GABRG3: variants seen among roughly 807,000 people sequenced by gnomAD.
The protein encoded by GABRG3 is gamma-aminobutyric acid type A receptor subunit gamma3.
In GABRG3, 25 loss-of-function variants were observed where a neutral mutation model predicts 48.8. The ratio of observed to expected loss-of-function variants is 0.51; its 90% CI spans 0.37 to 0.72. The LOEUF is 0.72. Among genes scored for constraint, GABRG3 ranks in the 30% least tolerant of loss-of-function variants. The probability of loss-of-function intolerance (pLI) is 0.00; values close to 1 mark genes in which losing one functional copy is unlikely to be tolerated. For synonymous variants in GABRG3, 227 were observed against 217.6 expected (o/e 1.04, Z -0.38); for missense variants, 394 against 577.9 (o/e 0.68, Z 3.26).
chr15:27,003,173 AT>A lies in GABRG3; in HGVS notation c.203-23573del, dbSNP rs915241973. 3.4e-3 allele frequency among the ~76,000 whole-genome samples: 499 copies of A among 148,606 alleles called. 5 individuals carry two copies. Among genetic ancestry groups the A allele is most frequent in the African/African-American group, 8.8e-3 (359 of 40,666 alleles). Reference sequence around the variant, plus strand: ...AATAGTTTTTATTTTTTTATTTTTTATTTTTTTTAATTTTGTATTTTTATTT... The same window carrying A: ...AATAGTTTTTATTTTTTTATTTTTTATTTTTTTAATTTTGTATTTTTATTT... On this transcript the variant is annotated intron_variant, in intron 2 of 9. Transcript: ENST00000615808.
chr15:27,522,212 T>C (rs1227292514), intron 7 of GABRG3, among the ~76,000 whole-genome samples: 4 of 151,978 alleles, frequency 2.6e-5, no homozygotes, highest in South Asian at 4.1e-4. Context: ...GTTGCCATCT[T>C]TAAAGTACTG....
At chr15:27,254,988 A>G (rs2140462376) in intron 3 of GABRG3, among the ~76,000 whole-genome samples, 1 of 152,218 alleles carries the variant, frequency 6.6e-6, no homozygotes, top group South Asian at 2.1e-4. Flanking sequence ...TACCCCCTGC[A>G]CCAGATGCCT....
rs370582365 is a variant in GABRG3, at chr15:27,497,873, C to T, written c.712+17086C>T. 4.6e-5 allele frequency among the ~76,000 whole-genome samples: 7 copies of T among 152,314 alleles called. No homozygotes were observed. In the East Asian group the frequency reaches 1.4e-3, roughly 29 times the overall value. ...ATTTCTTCCAGGTCCATCATTGAAA[C>T]TTCACCATTGTTTCTTCATTCCTCA... On this transcript the variant is annotated intron_variant, in intron 6 of 9. Transcript: ENST00000615808.
chr15:27,206,378 G>C (rs1888851967), intron 3 of GABRG3, among the ~76,000 whole-genome samples: 1 of 151,984 alleles, frequency 6.6e-6, no homozygotes, highest in African/African-American at 2.4e-5. Context: ...GACTTTCTTG[G>C]TACTTATTTC....
At chr15:27,125,777 A>G (rs1897809166) in intron 3 of GABRG3, among the ~76,000 whole-genome samples, 1 of 152,270 alleles carries the variant, frequency 6.6e-6, no homozygotes, top group African/African-American at 2.4e-5. Flanking sequence ...GACAGCAGCC[A>G]TGCGCCACAT....
At chr15:27,379,346 C>T (rs1393513735) in intron 5 of GABRG3, among the ~76,000 whole-genome samples, 1 of 152,160 alleles carries the variant, frequency 6.6e-6, no homozygotes, top group Non-Finnish European at 1.5e-5. Context: ...ACAGTATTAC[C>T]AATTTTCCTC....
chr15:27,391,106 A>C (rs546695458), intron 5 of GABRG3, among the ~76,000 whole-genome samples: 7 of 151,954 alleles, frequency 4.6e-5, no homozygotes, highest in Admixed American at 3.9e-4. Context: ...AAAAGACACA[A>C]TCCCTCAGGT....
chr15:27,162,706 T>C (rs1272589846), intron 3 of GABRG3, among the ~76,000 whole-genome samples: 1 of 152,102 alleles, frequency 6.6e-6, no homozygotes, highest in Non-Finnish European at 1.5e-5. Flanking sequence ...TTAGCATGTG[T>C]GAAGCATCTT....
At chr15:27,377,222 G>T (rs188839645) in intron 5 of GABRG3, among the ~76,000 whole-genome samples, 10 of 152,250 alleles carry the variant, frequency 6.6e-5, no homozygotes, top group Non-Finnish European at 1.3e-4. Context: ...AAGCATTTTT[G>T]TCAAAGCTAT....
chr15:27,095,189 C>T (rs766213554), intron 3 of GABRG3, among the ~76,000 whole-genome samples: 8 of 152,166 alleles, frequency 5.3e-5, no homozygotes, highest in Non-Finnish European at 7.3e-5. Flanking sequence ...GTCTTATCAC[C>T]GTCATGTCAG....
chr15:27,107,880 T>C (rs189401541), intron 3 of GABRG3, among the ~76,000 whole-genome samples: 56 of 151,790 alleles, frequency 3.7e-4, no homozygotes, highest in Non-Finnish European at 6.2e-4. Context: ...TAGTATTCCC[T>C]TCTTTTAATG....
chr15:27,320,338 A>G (rs1451307941), intron 3 of GABRG3, among the ~76,000 whole-genome samples: 4 of 152,146 alleles, frequency 2.6e-5, no homozygotes, highest in Non-Finnish European at 4.4e-5. Flanking sequence ...AATATGGGGC[A>G]TGGCGACTTC....
At chr15:27,250,473 C>A (rs1490529391) in intron 3 of GABRG3, among the ~76,000 whole-genome samples, 1 of 152,182 alleles carries the variant, frequency 6.6e-6, no homozygotes, top group African/African-American at 2.4e-5. Flanking sequence ...CCTCTGTTGT[C>A]CAGGCTGGAG....
intron 3 of GABRG3, among the ~76,000 whole-genome samples, chr15:27,173,432 T>G (rs1388528205): frequency 6.6e-6 from 1 of 152,156 alleles, no homozygotes; most frequent in African/African-American, 2.4e-5. Flanking sequence ...GTTGATTTAG[T>G]TTTATTGAGA....
At chr15:27,184,665 G>A (rs1325868556) in intron 3 of GABRG3, among the ~76,000 whole-genome samples, 1 of 152,166 alleles carries the variant, frequency 6.6e-6, no homozygotes, top group East Asian at 1.9e-4. Context: ...AACCATCTGA[G>A]TTCAAACACT....
intron 3 of GABRG3, among the ~76,000 whole-genome samples, chr15:27,133,880 C>G (rs755747944): frequency 1.3e-5 from 2 of 152,192 alleles, no homozygotes; most frequent in Non-Finnish European, 2.9e-5. Context: ...CAACAAGACC[C>G]ACACACTTTA....
At chr15:27,360,913 A>G (rs894139412) in intron 5 of GABRG3, among the ~76,000 whole-genome samples, 5 of 152,076 alleles carry the variant, frequency 3.3e-5, no homozygotes, top group African/African-American at 1.2e-4. Context: ...TCTCACATTC[A>G]CAGCTGAGCT....
At chr15:27,347,330 A>G (rs1244655785) in intron 5 of GABRG3, among the ~76,000 whole-genome samples, 2 of 152,138 alleles carry the variant, frequency 1.3e-5, no homozygotes, top group Non-Finnish European at 2.9e-5. Flanking sequence ...TTGCACTCTG[A>G]TCTTTAAGTG....
In GABRG3 at chr15:27,532,775, G is replaced by T. The variant is rs763239710; in HGVS notation, c.1298G>T (p.Arg433Leu). 6.2e-7 allele frequency: 1 copy of T among 1,613,974 alleles called. No homozygotes were observed. The highest frequency in any genetic ancestry group is 8.5e-7 in the Non-Finnish European group (1 of 1,179,872). Reference protein sequence around the residue: ...ECKSGSWRKGRIHIDILELDS... With the variant: ...ECKSGSWRKGLIHIDILELDS... ...AAATCAGGATCCTGGAGGAAAGGGC[G>T]TATTCACATAGACATCTTGGAGCTG... The change falls in exon 10 of 10, where the codon CGT becomes CTT. Residue 433 changes from arginine (R) to leucine (L), a missense_variant. Around this residue, in one of 3 missense-constraint regions of GABRG3, gnomAD observed 126 missense variants for 155.5 expected, o/e 0.81. Transcript: ENST00000615808.
Sources: gnomAD v4.1 joint callset for allele counts (sites outside exome capture counted in the v4.1 genomes callset) on GRCh38, gnomAD v4.1.1 for gene constraint, gnomAD v4.1.1 regional missense constraint, MANE v1.5 for transcripts, NCBI Gene and HGNC (gene_info 2026-07-23, HGNC 2026-07-21) for gene names.